AGBL1: variants seen among roughly 807,000 people sequenced by gnomAD.
AGBL1 encodes cytosolic carboxypeptidase 4.
AGBL1 carries 130 observed loss-of-function variants against 118.9 expected under a neutral mutation model. The ratio of observed to expected loss-of-function variants is 1.09; its 90% CI spans 0.95 to 1.26. The LOEUF is 1.26. AGBL1 is among the 50% of genes most tolerant of loss of function. The pLI is 0.00. For missense variants in AGBL1, 1,584 were observed against 1,298.1 expected (o/e 1.22, Z -3.38); for synonymous variants, 555 against 478.9 (o/e 1.16, Z -2.08).
Position 86,285,172 on chromosome 15 carries a change from T to G in AGBL1, c.2220+5389T>G, listed in dbSNP as rs377369583. ...AGGAAATCCAACAGAAATTTATACT[T>G]GGTTTACTTCTAGCAATCTTTTATA... On this transcript the variant is annotated intron_variant, in intron 16 of 22. Coordinates refer to ENST00000614907, the MANE Select transcript of AGBL1 (RefSeq NM_001386094.1). Among the ~76,000 whole-genome samples the G allele has an allele frequency of 2.0e-5, 3 of 152,196 alleles. No individual in the cohort carries two copies. In the East Asian group the frequency reaches 5.8e-4, roughly 30 times the overall value.
chr15:86,207,430 C>T, intron 5 of AGBL1, among the ~76,000 whole-genome samples: 2 of 152,096 alleles, frequency 1.3e-5, no homozygotes, highest in Non-Finnish European at 2.9e-5. Flanking sequence ...GATATTGATT[C>T]TTCTTATCCA....
intron 22 of AGBL1, among the ~76,000 whole-genome samples, chr15:86,690,438 C>T (rs1359596222): frequency 1.3e-5 from 2 of 152,034 alleles, no homozygotes; most frequent in African/African-American, 4.8e-5. Context: ...TAAAGAAATC[C>T]ATTCGTTTTC....
chr15:86,636,731 ATATATATATATATATATATATATAT>A (rs2085097564), intron 21 of AGBL1, among the ~76,000 whole-genome samples: 1 of 48,500 alleles, frequency 2.1e-5, no homozygotes, highest in South Asian at 1.0e-3. Flanking sequence ...ATATATATAT[ATATATATATATATATATATATATAT>A]ATACACATAC....
At chr15:86,407,909 T>C (rs1306788083) in intron 18 of AGBL1, among the ~76,000 whole-genome samples, 1 of 152,102 alleles carries the variant, frequency 6.6e-6, no homozygotes, top group Non-Finnish European at 1.5e-5. Context: ...ATTCCCTGTA[T>C]GCCTATGGGT....
intron 18 of AGBL1, among the ~76,000 whole-genome samples, chr15:86,405,587 C>T (rs769578295): frequency 6.6e-6 from 1 of 152,080 alleles, no homozygotes; most frequent in Non-Finnish European, 1.5e-5. Flanking sequence ...AAGTGGCTCT[C>T]ATACGTAACG....
At chr15:86,674,199 C>T (rs2085795059) in intron 21 of AGBL1, 74 bp from the exon 22 acceptor site, 23 of 1,406,302 alleles carry the variant, frequency 1.6e-5, no homozygotes, top group Non-Finnish European at 2.2e-5. Context: ...AGAAGTCCTT[C>T]TTCCTAATTT....
chr15:86,170,025 A>T (rs2077393190), intron 5 of AGBL1, among the ~76,000 whole-genome samples: 1 of 152,246 alleles, frequency 6.6e-6, no homozygotes, highest in South Asian at 2.1e-4. Flanking sequence ...GCAAAGGAAC[A>T]AGAAAGCACT....
intron 17 of AGBL1, among the ~76,000 whole-genome samples, chr15:86,396,241 G>GTATA (rs1347250101): frequency 6.0e-5 from 8 of 133,078 alleles, no homozygotes. Flanking sequence ...GTGTGTGTGT[G>GTATA]TGTATATATA....
chr15:86,266,342 A>C lies in AGBL1; in HGVS notation c.1668-32A>C, dbSNP rs1280592844. The stretch of plus-strand genomic sequence containing the variant: ...TGAGTGAGCTAGGGAGAGAAGGCCG[A>C]CCCTTAAAATGTTTTCAATTTTCTT... On this transcript the variant is annotated intron_variant, in intron 11 of 22. Coordinates refer to ENST00000614907, the MANE Select transcript of AGBL1 (RefSeq NM_001386094.1). 3 of 1,524,880 alleles carry C rather than the reference A, an allele frequency of 2.0e-6. No homozygotes were observed. In the South Asian group the frequency reaches 3.6e-5, roughly 19 times the overall value. The allele number at this position is 1,524,880 out of a possible 1,614,324, so 94.5% of individuals were successfully genotyped here.
intron 18 of AGBL1, among the ~76,000 whole-genome samples, chr15:86,508,567 T>C (rs1408540569): frequency 1.4e-5 from 2 of 138,442 alleles, no homozygotes; most frequent in South Asian, 2.4e-4. Flanking sequence ...AGGATTTTTT[T>C]CGAGGATTAA....
chr15:86,783,669 A>C (rs1455588954), intron 22 of AGBL1, among the ~76,000 whole-genome samples: 1 of 152,134 alleles, frequency 6.6e-6, no homozygotes, highest in Admixed American at 6.5e-5. Flanking sequence ...TCACTCCGTC[A>C]CCCAGGCTGG....
At chr15:86,651,621 G>C (rs538487633) in intron 21 of AGBL1, among the ~76,000 whole-genome samples, 1 of 152,164 alleles carries the variant, frequency 6.6e-6, no homozygotes, top group South Asian at 2.1e-4. Context: ...ATTGACGTTC[G>C]TCAGTAAATG....
intron 22 of AGBL1, among the ~76,000 whole-genome samples, chr15:86,818,735 G>A (rs992174148): frequency 2.6e-5 from 4 of 152,142 alleles, no homozygotes; most frequent in Admixed American, 6.5e-5. Flanking sequence ...ATACTTGCAG[G>A]CCAGTAGTAC....
chr15:87,024,088 AC>A (rs1259895143), intron 24 of AGBL1, among the ~76,000 whole-genome samples: 1 of 152,014 alleles, frequency 6.6e-6, no homozygotes, highest in Non-Finnish European at 1.5e-5. Flanking sequence ...CAAAACAAGA[AC>A]AAACCAAACC....
intron 20 of AGBL1, among the ~76,000 whole-genome samples, chr15:86,553,078 G>C (rs925096164): frequency 5.3e-5 from 8 of 152,092 alleles, no homozygotes; most frequent in African/African-American, 1.9e-4. Flanking sequence ...TCTTTCATTT[G>C]TATTCTCATT....
intron 17 of AGBL1, among the ~76,000 whole-genome samples, chr15:86,351,830 A>G (rs2080631606): frequency 6.6e-6 from 1 of 152,192 alleles, no homozygotes; most frequent in Non-Finnish European, 1.5e-5. Context: ...ATTTCTGTAT[A>G]AATATGACAT....
At chr15:86,643,386 C>T (rs746422294) in intron 21 of AGBL1, among the ~76,000 whole-genome samples, 31 of 152,214 alleles carry the variant, frequency 2.0e-4, no homozygotes, top group South Asian at 6.2e-4. Flanking sequence ...ATTCTACTTG[C>T]AATTCTCCTA....
At position 86,464,408 on chromosome 15, in the gene AGBL1, C is replaced by T. The variant is rs548075247; in HGVS notation, c.2556-58402C>T. Among the ~76,000 whole-genome samples the T allele has an allele frequency of 3.3e-5, 5 of 152,150 alleles. No individual in the cohort carries two copies. In the South Asian group the frequency reaches 6.2e-4, roughly 19 times the overall value. ...AAACAGAAATAATTTGACTTCCTCT[C>T]CTCCTGTTTGAATACCCCTTATTTC... On this transcript the variant is annotated intron_variant, in intron 18 of 22. Transcript: ENST00000614907.
At chr15:86,518,372 C>T (rs966786710) in intron 18 of AGBL1, among the ~76,000 whole-genome samples, 1 of 152,058 alleles carries the variant, frequency 6.6e-6, no homozygotes, top group African/African-American at 2.4e-5. Flanking sequence ...GCATCATTGT[C>T]CTTTAGACTG....
Sources: gnomAD v4.1 joint callset for allele counts (sites outside exome capture counted in the v4.1 genomes callset) on GRCh38, gnomAD v4.1.1 for gene constraint, MANE v1.5 for transcripts, NCBI Gene and HGNC (gene_info 2026-07-23, HGNC 2026-07-21) for gene names.